HIVEP3: variants seen among roughly 807,000 people sequenced by gnomAD.
The protein encoded by HIVEP3 is HIVEP zinc finger 3.
A neutral mutation model predicts 152.8 loss-of-function variants in HIVEP3; 49 were observed. That is an observed-to-expected ratio of 0.32 (90% CI 0.26 to 0.41). The LOEUF (loss-of-function observed/expected upper bound fraction) is 0.41. Ranked by LOEUF, HIVEP3 falls within the 10% of genes least tolerant of loss-of-function variation. The pLI is 1.00. For missense variants in HIVEP3, 2,790 were observed against 3,103.3 expected (o/e 0.90, Z 2.40); for synonymous variants, 1,269 against 1,289.0 (o/e 0.98, Z 0.33).
chr1:41,760,278 C>T (rs2124244202), intron 1 of HIVEP3, among the ~76,000 whole-genome samples: 1 of 152,300 alleles, frequency 6.6e-6, no homozygotes, highest in Admixed American at 6.5e-5. Context: ...AAAGTGGTAC[C>T]AACTTAGCTA....
At chr1:41,868,180 T>C (rs1006922644) in intron 1 of HIVEP3, among the ~76,000 whole-genome samples, 9 of 132,164 alleles carry the variant, frequency 6.8e-5, no homozygotes, top group Admixed American at 4.3e-4. Flanking sequence ...TCAGTAGTTA[T>C]ATAATAGTTT....
At chr1:41,740,452 C>G (rs182964745) in intron 1 of HIVEP3, among the ~76,000 whole-genome samples, 1 of 152,186 alleles carries the variant, frequency 6.6e-6, no homozygotes, top group Non-Finnish European at 1.5e-5. Context: ...CTGGGAAGCC[C>G]AAAGGTTCTG....
rs1315409512 is a variant in HIVEP3, at chr1:41,918,253, C to A, written c.-801+160G>T. Among the ~76,000 whole-genome samples, 1 of 152,238 alleles carries A rather than the reference C, an allele frequency of 6.6e-6. No individual in the cohort carries two copies. Among genetic ancestry groups the A allele is most frequent in the African/African-American group, 2.4e-5 (1 of 41,464 alleles). The stretch of plus-strand genomic sequence containing the variant: ...GCGCAGCCCACCCGGCCGGCCCCTG[C>A]GTCTCGGCAGCCGGACACCTTGCCT... On this transcript the variant is annotated intron_variant, in intron 1 of 8. Transcript: ENST00000372583. The surrounding 1 kb of genome is among the most constrained non-coding windows in gnomAD (Gnocchi z 4.3).
At chr1:41,621,859 T>C (rs952474004) in intron 3 of HIVEP3, among the ~76,000 whole-genome samples, 2 of 152,142 alleles carry the variant, frequency 1.3e-5, no homozygotes, top group Non-Finnish European at 2.9e-5. Flanking sequence ...TTGGAAAGAC[T>C]TCCTGACCTC....
At chr1:41,515,194 C>T (rs577742118) in intron 7 of HIVEP3, among the ~76,000 whole-genome samples, 61 of 152,376 alleles carry the variant, frequency 4.0e-4, no homozygotes, top group African/African-American at 1.5e-3. Flanking sequence ...ACTCAGGCCG[C>T]TGGGGCAGCT....
rs567546891 is a variant in HIVEP3 at position 41,526,755 on chromosome 1, CCA to C, written c.5208-1847_5208-1846del. 2.6e-3 allele frequency among the ~76,000 whole-genome samples: 295 copies of C among 115,360 alleles called. 3 individuals carry two copies. Among genetic ancestry groups the C allele is most frequent in the African/African-American group, 9.0e-3 (271 of 30,182 alleles). The allele number at this position is 115,360 out of a possible 152,430, so 75.7% of individuals were successfully genotyped here. A position where few individuals can be genotyped will look rare whatever the true frequency, so the allele number is the denominator to read the frequency against. ...CTCACCCTAAAACGTGCTCACATCC[CCA>C]CACTCACCCTCACACTCACCCTAAC... On this transcript the variant is annotated intron_variant, in intron 5 of 8. Transcript: ENST00000372583.
At chr1:41,597,537 T>G (rs1644684805) in intron 3 of HIVEP3, among the ~76,000 whole-genome samples, 1 of 152,154 alleles carries the variant, frequency 6.6e-6, no homozygotes, top group Non-Finnish European at 1.5e-5. Context: ...GGTACTATTA[T>G]CATTCCCATT....
chr1:41,715,688 T>G (rs1273403795), intron 1 of HIVEP3, among the ~76,000 whole-genome samples: 3 of 152,206 alleles, frequency 2.0e-5, no homozygotes, highest in Admixed American at 6.5e-5. Flanking sequence ...CATGCTACCA[T>G]GTGACCTCAA....
intron 4 of HIVEP3, among the ~76,000 whole-genome samples, chr1:41,577,644 G>A (rs1451169967): frequency 6.6e-6 from 1 of 152,184 alleles, no homozygotes; most frequent in Admixed American, 6.5e-5. Flanking sequence ...AGATGGTTTG[G>A]AAGAGCTTCA....
At chr1:41,712,514 A>G (rs1278764545) in intron 1 of HIVEP3, among the ~76,000 whole-genome samples, 1 of 152,214 alleles carries the variant, frequency 6.6e-6, no homozygotes, top group East Asian at 1.9e-4. Context: ...GACACTGGGC[A>G]CCTGTGGCTG....
intron 5 of HIVEP3, among the ~76,000 whole-genome samples, chr1:41,574,644 T>C (rs1052027853): frequency 6.6e-6 from 1 of 152,170 alleles, no homozygotes; most frequent in African/African-American, 2.4e-5. Flanking sequence ...AGGCCCCCAG[T>C]GACAGCCATG....
rs1486473880 is a variant in HIVEP3, at chr1:41,508,065, G to T, written c.*2386C>A. On this transcript the variant is annotated 3_prime_UTR_variant, in exon 9 of 9. Transcript: ENST00000372583. ...AGGCTGCCCAGGGAGGAAACCTTGG[G>T]TGGGTAGGCTGTTTGAGTACAGGGA... The T allele has an allele frequency of 6.6e-6, 1 of 152,312 alleles. No homozygotes were observed. The highest frequency in any genetic ancestry group is 6.5e-5 in the Admixed American group (1 of 15,286). 9.4% of individuals were successfully genotyped at this position (152,312 alleles called of 1,614,324 possible).
intron 1 of HIVEP3, among the ~76,000 whole-genome samples, chr1:41,969,431 CAA>C (rs1332005591): frequency 6.6e-6 from 1 of 152,146 alleles, no homozygotes; most frequent in African/African-American, 2.4e-5. Context: ...TGATCTTTGA[CAA>C]ACCTGACAAA....
intron 1 of HIVEP3, among the ~76,000 whole-genome samples, chr1:41,736,227 C>T (rs1646916784): frequency 1.3e-5 from 2 of 152,210 alleles, no homozygotes; most frequent in East Asian, 1.9e-4. Flanking sequence ...GCCTCCATGG[C>T]ATTCGTTCTG....
At chr1:42,021,482 T>C (rs1430002060) in intron 1 of HIVEP3, among the ~76,000 whole-genome samples, 5 of 151,574 alleles carry the variant, frequency 3.3e-5, no homozygotes, top group African/African-American at 7.3e-5. Flanking sequence ...TAAGGGGGGG[T>C]TGGGAGTCAG....
At chr1:41,919,511 C>T (rs1251350964), upstream of HIVEP3, among the ~76,000 whole-genome samples, 3 of 152,234 alleles carry the variant, frequency 2.0e-5, no homozygotes, top group Admixed American at 6.5e-5. Context: ...AGAGCCACAT[C>T]GCATTCCAAG....
At chr1:41,600,268 T>A (rs1644726127) in intron 3 of HIVEP3, among the ~76,000 whole-genome samples, 1 of 152,332 alleles carries the variant, frequency 6.6e-6, no homozygotes, top group South Asian at 2.1e-4. Flanking sequence ...TGTGTACATC[T>A]ATGTTCATAG....
chr1:41,728,443 G>T (rs1342753680), intron 1 of HIVEP3, among the ~76,000 whole-genome samples: 3 of 152,104 alleles, frequency 2.0e-5, no homozygotes, highest in Non-Finnish European at 4.4e-5. Context: ...GGCAGGGGAT[G>T]CGGGGCTGGT....
chr1:41,771,812 A>C (rs1648390265), intron 1 of HIVEP3, among the ~76,000 whole-genome samples: 1 of 152,036 alleles, frequency 6.6e-6, no homozygotes, highest in South Asian at 2.1e-4. Flanking sequence ...CTACAAGCAC[A>C]TGCCACCATG....
Sources: gnomAD v4.1 joint callset for allele counts (sites outside exome capture counted in the v4.1 genomes callset) on GRCh38, gnomAD v4.1.1 for gene constraint, Gnocchi (gnomAD v3.1) non-coding constraint, MANE v1.5 for transcripts, NCBI Gene and HGNC (gene_info 2026-07-23, HGNC 2026-07-21) for gene names.